Variants in RBBP8 observed in about 807,000 individuals in gnomAD.
The protein encoded by RBBP8 is DNA endonuclease RBBP8.
In RBBP8, 88 loss-of-function variants were observed where a neutral mutation model predicts 108.3. That is an observed-to-expected ratio of 0.81 (90% CI 0.68 to 0.97). RBBP8 has a LOEUF of 0.97. Ranked by LOEUF, RBBP8 falls within the 50% of genes least tolerant of loss-of-function variation. The pLI is 0.00. For missense variants in RBBP8, 1,023 were observed against 1,049.0 expected (o/e 0.98, Z 0.34); for synonymous variants, 332 against 348.2 (o/e 0.95, Z 0.52).
intron 15 of RBBP8, 95 bp downstream of exon 15, chr18:23,001,824 A>G: frequency 4.2e-6 from 6 of 1,444,072 alleles, no homozygotes; most frequent in South Asian, 1.2e-5. Flanking sequence ...TGACATATCA[A>G]CAATTGAAGT....
intron 17 of RBBP8, among the ~76,000 whole-genome samples, chr18:23,020,776 C>G (rs1466238210): frequency 6.6e-6 from 1 of 152,196 alleles, no homozygotes; most frequent in East Asian, 1.9e-4. Flanking sequence ...TGTGTTACAA[C>G]TGCACTCACC....
intron 2 of RBBP8, 52 bp from the exon 3 acceptor site, chr18:22,946,392 G>T: frequency 1.9e-6 from 3 of 1,602,438 alleles, no homozygotes; most frequent in South Asian, 2.2e-5. Flanking sequence ...TGGAGCATTT[G>T]ACTCATAAAG....
At chr18:23,013,830 A>G (rs58966662) in intron 16 of RBBP8, among the ~76,000 whole-genome samples, 8,075 of 152,294 alleles carry the variant, frequency 0.053, 434 homozygotes, top group African/African-American at 0.14. Flanking sequence ...AATTTGGCCT[A>G]TGCCCAAAAA....
At chr18:22,965,970 T>C (rs1320859938) in intron 4 of RBBP8, among the ~76,000 whole-genome samples, 2 of 152,210 alleles carry the variant, frequency 1.3e-5, no homozygotes, top group Non-Finnish European at 2.9e-5. Flanking sequence ...TTTATTTAAA[T>C]TGAAATAGCC....
At chr18:22,956,150 G>A (rs535544296) in intron 4 of RBBP8, among the ~76,000 whole-genome samples, 1 of 151,714 alleles carries the variant, frequency 6.6e-6, no homozygotes, top group South Asian at 2.1e-4. Flanking sequence ...TACCTTTAAA[G>A]GACTAAGTAG....
At chr18:22,986,384 A>C (rs954760076) in intron 8 of RBBP8, among the ~76,000 whole-genome samples, 1 of 152,228 alleles carries the variant, frequency 6.6e-6, no homozygotes, top group Non-Finnish European at 1.5e-5. Flanking sequence ...GTAACATGAT[A>C]AAAATTGTTA....
intron 4 of RBBP8, among the ~76,000 whole-genome samples, chr18:22,965,506 C>G (rs1201063444): frequency 1.3e-5 from 2 of 152,024 alleles, no homozygotes; most frequent in Non-Finnish European, 2.9e-5. Flanking sequence ...TCCCAGTGTT[C>G]TTGGAGCCAA....
At chr18:22,945,409 CG>C (rs1296683325) in intron 2 of RBBP8, among the ~76,000 whole-genome samples, 1 of 151,590 alleles carries the variant, frequency 6.6e-6, no homozygotes, top group Non-Finnish European at 1.5e-5. Flanking sequence ...TTTTTTCAGA[CG>C]GAGTTTCGCT....
rs766532230 is a variant in RBBP8, at chr18:22,989,272, C to T, written c.761C>T (p.Ala254Val). 1.2e-6 allele frequency: 2 copies of T among 1,611,300 alleles called. No homozygotes were observed. The highest frequency in any genetic ancestry group is 2.2e-5 in the South Asian group (2 of 91,014). ...CCTGATAAGTCATCTTTTAATTTAG[C>T]TACAGTTGTTGCTGAAACACTTGGA... is the stretch of plus-strand genomic sequence containing the variant. Reference protein sequence around the residue: ...YTPDKSSFNLATVVAETLGLG... With the variant: ...YTPDKSSFNLVTVVAETLGLG... The change falls in exon 9 of 19, where the codon GCT becomes GTT. Residue 254 changes from alanine to valine, a missense_variant. Transcript: ENST00000327155.
At chr18:23,005,938 G>A (rs2046036133) in intron 15 of RBBP8, among the ~76,000 whole-genome samples, 1 of 151,970 alleles carries the variant, frequency 6.6e-6, no homozygotes, top group Admixed American at 6.6e-5. Context: ...TGTAATCCCA[G>A]CACTTTGGGA....
At chr18:22,934,825 C>T (rs1910391393) in intron 1 of RBBP8, 1 of 151,988 alleles carries the variant, frequency 6.6e-6, no homozygotes, top group African/African-American at 2.4e-5. Context: ...CTGACATAGC[C>T]ATGTCCCAGC....
intron 10 of RBBP8, among the ~76,000 whole-genome samples, chr18:22,992,036 C>A (rs1306447918): frequency 6.6e-6 from 1 of 152,110 alleles, no homozygotes; most frequent in Admixed American, 6.6e-5. Context: ...AGAGATCTTA[C>A]CCAGCCCACA....
At chr18:22,938,563 A>G (rs1379255063) in intron 2 of RBBP8, among the ~76,000 whole-genome samples, 1 of 152,200 alleles carries the variant, frequency 6.6e-6, no homozygotes, top group African/African-American at 2.4e-5. Context: ...TTTTAACCAC[A>G]GAACATAGTT....
intron 16 of RBBP8, among the ~76,000 whole-genome samples, chr18:23,014,519 G>A (rs2144810477): frequency 6.6e-6 from 1 of 152,276 alleles, no homozygotes; most frequent in African/African-American, 2.4e-5. Flanking sequence ...TGTAGTCCTA[G>A]CTAACTCAGG....
intron 18 of RBBP8, among the ~76,000 whole-genome samples, chr18:23,022,658 T>TAAAAAAATAAAA (rs1234771238): frequency 1.2e-5 from 1 of 83,760 alleles, no homozygotes; most frequent in African/African-American, 3.3e-5. Context: ...CAATATAAAA[T>TAAAAAAATAAAA]AAAATAAAAT....
chr18:23,000,846 C>T (rs918008981), intron 14 of RBBP8, among the ~76,000 whole-genome samples: 9 of 151,816 alleles, frequency 5.9e-5, no homozygotes, highest in East Asian at 5.8e-4. Flanking sequence ...TTACCTCATA[C>T]ACAGATTACA....
In RBBP8 at chr18:22,993,039, A is replaced by G. The variant is rs1259094114; in HGVS notation, c.1212A>G (p.Lys404=). The G allele has an allele frequency of 2.5e-6, 4 of 1,613,018 alleles. No individual in the cohort carries two copies. The highest frequency in any genetic ancestry group is 3.4e-6 in the Non-Finnish European group (4 of 1,179,130). The change falls in exon 11 of 19, where the codon AAA becomes AAG. Residue 404 remains lysine (K), a synonymous_variant. Transcript: ENST00000327155. ...VNKIIIQSSN[K]QILINKNISE... ...AGATCATTATCCAGTCATCTAATAA[A>G]CAGATACTTATAAATAAAAATATAA...
chr18:22,952,396 AC>A (rs1406622024), intron 4 of RBBP8, among the ~76,000 whole-genome samples: 2 of 152,162 alleles, frequency 1.3e-5, no homozygotes, highest in Non-Finnish European at 2.9e-5. Context: ...AAGAATAAGG[AC>A]CCAGCCAGCA....
chr18:22,962,601 A>G (rs57532255), intron 4 of RBBP8, among the ~76,000 whole-genome samples: 26,093 of 151,308 alleles, frequency 0.17, 3,043 homozygotes, highest in African/African-American at 0.34. Context: ...CTGTCGCCCA[A>G]GCTGGAGTGC....
Sources: gnomAD v4.1 joint callset for allele counts (sites outside exome capture counted in the v4.1 genomes callset) on GRCh38, gnomAD v4.1.1 for gene constraint, MANE v1.5 for transcripts, NCBI Gene and HGNC (gene_info 2026-07-23, HGNC 2026-07-21) for gene names.